SLC38A11: variants seen among roughly 807,000 people sequenced by gnomAD.
The protein encoded by SLC38A11 is solute carrier family 38 member 11.
A neutral mutation model predicts 49.4 loss-of-function variants in SLC38A11; 51 were observed. That is an observed-to-expected ratio of 1.03 (90% CI 0.83 to 1.30). The LOEUF (loss-of-function observed/expected upper bound fraction) is 1.30, where lower values mean the gene tolerates loss of function less well. Among genes scored for constraint, SLC38A11 ranks in the 50% most tolerant of loss-of-function variants. The pLI is 0.00. For synonymous variants in SLC38A11, 203 were observed against 192.9 expected (o/e 1.05, Z -0.43); for missense variants, 574 against 556.2 (o/e 1.03, Z -0.32).
At chr2:164,928,729 T>C (rs533378689) in intron 7 of SLC38A11, among the ~76,000 whole-genome samples, 13 of 152,222 alleles carry the variant, frequency 8.5e-5, no homozygotes, top group Admixed American at 5.2e-4. Context: ...GTTCTGAACC[T>C]ACTCCTATTT....
chr2:164,907,940 G>A (rs923055544), intron 11 of SLC38A11: 4 of 152,088 alleles, frequency 2.6e-5, no homozygotes, highest in African/African-American at 9.7e-5. Flanking sequence ...TAGAAGCAAC[G>A]GAATTTATAC....
At position 164,915,918 on chromosome 2, in the gene SLC38A11, C is replaced by T. The variant is rs759620606; in HGVS notation, c.673G>A (p.Gly225Arg). 13 of 1,602,360 alleles carry T rather than the reference C, an allele frequency of 8.1e-6. No individual in the cohort carries two copies. The highest frequency in any genetic ancestry group is 3.3e-5 in the South Asian group (3 of 89,628). The change falls in exon 8 of 12, where the codon GGG becomes AGG. Residue 225 changes from glycine (G) to arginine (R), a missense_variant. Coordinates refer to ENST00000685975, the MANE Select transcript of SLC38A11 (RefSeq NM_001351537.2). ...FAKPNAIQAV[G>R]VMSFAFICHH... ...AAATACTCACCAAAAGACATAACCC[C>T]GACCGCTTGAATGGCATTGGGCTTT...
At chr2:164,912,021 A>G (rs912365077) in intron 9 of SLC38A11, 1 of 205,122 alleles carries the variant, frequency 4.9e-6, no homozygotes, top group Non-Finnish European at 9.8e-6. Context: ...TAGGTGTGTA[A>G]TAGGTGCTAC....
Position 164,908,703 on chromosome 2 carries a change from G to T in SLC38A11, c.1032C>A (p.Val344=). 2 of 1,611,294 alleles carry T rather than the reference G, an allele frequency of 1.2e-6. No homozygotes were observed. The highest frequency in any genetic ancestry group is 2.2e-5 in the South Asian group (2 of 90,508). Residue 344 remains valine (V), a synonymous_variant, in exon 11 of 12, where the codon GTC becomes GTA. Transcript: ENST00000685975. ...ATGACACAAGCGTGGCTACAGTGATGACCATCACTGTTACAACAATGTGGA... is the reference window on the plus strand; with the variant it reads ...ATGACACAAGCGTGGCTACAGTGATTACCATCACTGTTACAACAATGTGGA... ...SVFHIVVTVM[V]ITVATLVSLL...
Position 164,911,761 on chromosome 2 carries a change from A to G in SLC38A11, c.851-13T>C, listed in dbSNP as rs200290960. On this transcript the variant is annotated splice_polypyrimidine_tract_variant and intron_variant, in intron 9 of 11. Coordinates refer to ENST00000685975, the MANE Select transcript of SLC38A11 (RefSeq NM_001351537.2). ...TCAAATAAGTCCCCTAGATAGTAAT[A>G]TAAAATAAGTTTATTTACTAGATAC... The G allele has an allele frequency of 1.4e-6, 2 of 1,447,746 alleles. No individual in the cohort carries two copies. Among genetic ancestry groups the G allele is most frequent in the East Asian group, 2.3e-5 (1 of 42,604 alleles). 89.7% of individuals were successfully genotyped at this position (1,447,746 alleles called of 1,614,324 possible). A position where few individuals can be genotyped will look rare whatever the true frequency, so the allele number is the denominator to read the frequency against.
At position 164,896,722 on chromosome 2, in the gene SLC38A11, G is replaced by A. The variant is rs1302986832; in HGVS notation, c.*1715C>T. 2 of 152,004 alleles carry A rather than the reference G, an allele frequency of 1.3e-5. No homozygotes were observed. Among genetic ancestry groups the A allele is most frequent in the Non-Finnish European group, 2.9e-5 (2 of 67,970 alleles). The allele number at this position is 152,004 out of a possible 1,614,324, so 9.4% of individuals were successfully genotyped here. On this transcript the variant is annotated 3_prime_UTR_variant, in exon 12 of 12. Coordinates refer to ENST00000685975, the MANE Select transcript of SLC38A11 (RefSeq NM_001351537.2). ...AGAATTTAAATTAATTTAATGGTAAGGATAATATTTTATTGAAAAAATAAA... is the reference window on the plus strand; with the variant it reads ...AGAATTTAAATTAATTTAATGGTAAAGATAATATTTTATTGAAAAAATAAA...
At position 164,899,694 on chromosome 2, in the gene SLC38A11, G is replaced by T. The variant is rs565054325; in HGVS notation, c.1096-964C>A. Among the ~76,000 whole-genome samples, 152 of 152,046 alleles carry T rather than the reference G, an allele frequency of 1.0e-3. 1 individual carries two copies. Among genetic ancestry groups the T allele is most frequent in the African/African-American group, 3.5e-3 (147 of 41,496 alleles). On this transcript the variant is annotated intron_variant, in intron 11 of 11. Transcript: ENST00000685975. ...AAAATAAATTTTATTGTGTATATTT[G>T]AGGTTTATAACCTGATGTCATAGAA...
At chr2:164,920,416 A>G (rs1289279985) in intron 7 of SLC38A11, among the ~76,000 whole-genome samples, 1 of 152,218 alleles carries the variant, frequency 6.6e-6, no homozygotes, top group Non-Finnish European at 1.5e-5. Context: ...TGGACACCCA[A>G]TTAAACATGT....
intron 6 of SLC38A11, chr2:164,937,841 T>G (rs1280569235): frequency 6.5e-6 from 1 of 154,576 alleles, no homozygotes; most frequent in Non-Finnish European, 1.4e-5. Flanking sequence ...CTACTTGTCT[T>G]ACTCTCTTCC....
chr2:164,910,462 A>C (rs911338794), intron 10 of SLC38A11, among the ~76,000 whole-genome samples: 1 of 152,146 alleles, frequency 6.6e-6, no homozygotes, highest in African/African-American at 2.4e-5. Flanking sequence ...AAATTTAAAA[A>C]AAAATTAGTT....
chr2:164,926,249 A>G (rs2105478935), intron 7 of SLC38A11, among the ~76,000 whole-genome samples: 1 of 152,276 alleles, frequency 6.6e-6, no homozygotes, highest in East Asian at 1.9e-4. Flanking sequence ...CTATCAACTA[A>G]AGAACAAATC....
At chr2:164,908,887 A>T in intron 10 of SLC38A11, 116 bp from the exon 11 acceptor site, 1 of 1,166,400 alleles carries the variant, frequency 8.6e-7, no homozygotes, top group Non-Finnish European at 1.2e-6. Flanking sequence ...AAGGCTATTA[A>T]TCAAATCTTA....
chr2:164,917,658 A>T (rs1237319689), intron 7 of SLC38A11, among the ~76,000 whole-genome samples: 6 of 152,218 alleles, frequency 3.9e-5, no homozygotes, highest in African/African-American at 1.4e-4. Flanking sequence ...CTAACTTTGC[A>T]ATATGCTTTA....
At chr2:164,909,516 G>A (rs1685252050) in intron 10 of SLC38A11, among the ~76,000 whole-genome samples, 1 of 151,166 alleles carries the variant, frequency 6.6e-6, no homozygotes, top group South Asian at 2.1e-4. Flanking sequence ...TTTAGGACTA[G>A]AAGGAGCTTT....
intron 7 of SLC38A11, among the ~76,000 whole-genome samples, chr2:164,924,804 G>A (rs1686451932): frequency 6.6e-6 from 1 of 151,808 alleles, no homozygotes; most frequent in Non-Finnish European, 1.5e-5. Flanking sequence ...GCGCAATCTC[G>A]GCTCACTGCA....
intron 7 of SLC38A11, among the ~76,000 whole-genome samples, chr2:164,924,830 G>C (rs903690319): frequency 6.6e-6 from 1 of 152,056 alleles, no homozygotes; most frequent in Non-Finnish European, 1.5e-5. Flanking sequence ...TGCCTCCTGG[G>C]TTCACGCCAT....
intron 7 of SLC38A11, among the ~76,000 whole-genome samples, chr2:164,936,420 G>A (rs535389563): frequency 2.6e-4 from 39 of 152,128 alleles, no homozygotes; most frequent in Non-Finnish European, 5.3e-4. Context: ...TTAACAATTA[G>A]GGCTATTCAT....
intron 11 of SLC38A11, among the ~76,000 whole-genome samples, chr2:164,902,656 T>G (rs1273725264): frequency 6.6e-6 from 1 of 152,140 alleles, no homozygotes; most frequent in Non-Finnish European, 1.5e-5. Flanking sequence ...AAATTGTACC[T>G]TTAAAATAGC....
chr2:164,911,648 A>G lies in SLC38A11; in HGVS notation c.951T>C (p.Phe317=), dbSNP rs1260986208. 6.3e-7 allele frequency: 1 copy of G among 1,590,218 alleles called. No homozygotes were observed. Among genetic ancestry groups the G allele is most frequent in the Admixed American group, 1.8e-5 (1 of 56,768 alleles). Reference sequence around the variant, plus strand: ...GAACCGCGCTTACCTCTCTTGTCACAAAGCATTCCATAGGGTATGTCAAAA... The same window carrying G: ...GAACCGCGCTTACCTCTCTTGTCACGAAGCATTCCATAGGGTATGTCAAAA... ...TVILTYPMEC[F]VTREVIANVF... Residue 317 remains phenylalanine, a synonymous_variant, in exon 10 of 12, where the codon TTT becomes TTC. Transcript: ENST00000685975.
Sources: allele counts gnomAD v4.1 joint callset (sites outside exome capture counted in the v4.1 genomes callset), GRCh38; gene constraint gnomAD v4.1.1; transcripts MANE v1.5; gene names NCBI Gene and HGNC (gene_info 2026-07-23, HGNC 2026-07-21).